Variants in NBEAL1 observed in about 807,000 individuals in gnomAD.
NBEAL1 encodes the protein neurobeachin-like protein 1.
A neutral mutation model predicts 351.3 loss-of-function variants in NBEAL1; 273 were observed. The ratio of observed to expected loss-of-function variants is 0.78; its 90% CI spans 0.70 to 0.86. NBEAL1 has a LOEUF of 0.86. Ranked by LOEUF, NBEAL1 falls within the 40% of genes least tolerant of loss-of-function variation. NBEAL1 has a pLI of 0.00. For missense variants in NBEAL1, 2,961 were observed against 3,201.3 expected (o/e 0.92, Z 1.81); for synonymous variants, 1,050 against 1,086.4 (o/e 0.97, Z 0.66).
Position 203,062,268 on chromosome 2 carries a change from GT to G in NBEAL1, c.515+4819del, listed in dbSNP as rs2061511433. On this transcript the variant is annotated intron_variant, in intron 6 of 55. Coordinates refer to ENST00000683969, the MANE Select transcript of NBEAL1 (RefSeq NM_001378026.1). This position sits in a 1 kb window ranked among gnomAD's most constrained non-coding sequence, Gnocchi z 4.2. ...CGTCAACATTCTGGTCTTCCCATTT[GT>G]TTTCTGTAGAAGCCAAATTCCTGAA... is the stretch of plus-strand genomic sequence containing the variant. 2.2e-6 allele frequency: 1 copy of G among 462,418 alleles called. No homozygotes were observed. Among genetic ancestry groups the G allele is most frequent in the Non-Finnish European group, 4.4e-6 (1 of 229,880 alleles). The allele number at this position is 462,418 out of a possible 1,614,324, so 28.6% of individuals were successfully genotyped here.
At chr2:203,048,829 A>C (rs6715752) in intron 3 of NBEAL1, among the ~76,000 whole-genome samples, 1 of 151,212 alleles carries the variant, frequency 6.6e-6, no homozygotes, top group Non-Finnish European at 1.5e-5. Context: ...AAATGTTGAT[A>C]TATTACTTTT....
chr2:203,094,363 A>G (rs762001717), intron 10 of NBEAL1, among the ~76,000 whole-genome samples: 3 of 152,256 alleles, frequency 2.0e-5, no homozygotes, highest in Non-Finnish European at 4.4e-5. Context: ...GCATGATGCC[A>G]CAGATGTCCA....
At chr2:203,017,193 A>G (rs1188379187) in intron 2 of NBEAL1, among the ~76,000 whole-genome samples, 1 of 152,220 alleles carries the variant, frequency 6.6e-6, no homozygotes, top group Non-Finnish European at 1.5e-5. Flanking sequence ...GAGGAGGTAC[A>G]TTATTACTTT....
At position 203,188,534 on chromosome 2, in the gene NBEAL1, G is replaced by A; in HGVS notation, c.6768G>A (p.Gln2256=). 1 of 1,610,376 alleles carries A rather than the reference G, an allele frequency of 6.2e-7. No individual in the cohort carries two copies. The highest frequency in any genetic ancestry group is 1.1e-5 in the South Asian group (1 of 90,244). ...TAGATCTGATCTTTGGCTATAAACAGAGGGGACCAGCTGCAGTAGAGGCAC... is the reference window on the plus strand; with the variant it reads ...TAGATCTGATCTTTGGCTATAAACAAAGGGGACCAGCTGCAGTAGAGGCAC... The part of the protein sequence containing the change: ...EWIDLIFGYK[Q]RGPAAVEALN... The change falls in exon 45 of 56, where the codon CAG becomes CAA. Residue 2256 remains glutamine (Q), a synonymous_variant. Coordinates refer to ENST00000683969, the MANE Select transcript of NBEAL1 (RefSeq NM_001378026.1).
At chr2:203,143,513 C>G (rs1265192020) in intron 31 of NBEAL1, among the ~76,000 whole-genome samples, 1 of 145,546 alleles carries the variant, frequency 6.9e-6, no homozygotes, top group East Asian at 1.9e-4. Context: ...AGGATTCAGT[C>G]AGGGCTCCAG....
Position 203,107,792 on chromosome 2 carries a change from TG to T in NBEAL1, c.1557del (p.Ile520LeufsTer21). The T allele has an allele frequency of 6.4e-7, 1 of 1,554,604 alleles. No individual in the cohort carries two copies. Among genetic ancestry groups the T allele is most frequent in the Non-Finnish European group, 8.7e-7 (1 of 1,147,806 alleles). ...QSRTTCVNAN[M>X]GIRIIETLDL... ...CGAACTACTTGTGTCAATGCAAACA[TG>T]GGGATTAGAATCATTGAAACCCTTG... On this transcript the variant is annotated frameshift_variant, in exon 14 of 56. Transcript: ENST00000683969. LOFTEE classifies it high-confidence loss of function.
At chr2:203,056,630 G>A (rs1271536566) in intron 5 of NBEAL1, 122 bp downstream of exon 5, 1 of 626,622 alleles carries the variant, frequency 1.6e-6, no homozygotes, top group Non-Finnish European at 2.9e-6. Context: ...GCAATGGCCC[G>A]ATCTTGGCTT....
At chr2:203,022,007 C>G (rs1287018016) in intron 2 of NBEAL1, among the ~76,000 whole-genome samples, 5 of 150,796 alleles carry the variant, frequency 3.3e-5, no homozygotes, top group Admixed American at 3.3e-4. Context: ...CCTGAGATCT[C>G]GCCACTACAC....
chr2:203,144,062 T>G (rs2063447943), intron 31 of NBEAL1, among the ~76,000 whole-genome samples: 2 of 151,728 alleles, frequency 1.3e-5, no homozygotes, highest in Admixed American at 1.3e-4. Flanking sequence ...ATACAAAAAA[T>G]TAGCCGGACA....
intron 12 of NBEAL1, among the ~76,000 whole-genome samples, chr2:203,100,606 G>A (rs2062295924): frequency 6.7e-6 from 1 of 149,330 alleles, no homozygotes; most frequent in Non-Finnish European, 1.5e-5. Context: ...GAGTGCAGTA[G>A]CACGATCTCA....
At chr2:203,082,053 T>C (rs1419070094) in intron 8 of NBEAL1, among the ~76,000 whole-genome samples, 1 of 152,182 alleles carries the variant, frequency 6.6e-6, no homozygotes, top group Non-Finnish European at 1.5e-5. Context: ...TGTCACTGCA[T>C]TTCAACATGG....
intron 4 of NBEAL1, chr2:203,050,307 A>G (rs1373638497): frequency 1.3e-5 from 2 of 158,630 alleles, no homozygotes; most frequent in Admixed American, 6.4e-5. Flanking sequence ...AATAATAATT[A>G]ATTTTGTTTA....
At chr2:203,026,506 A>AT (rs199701939) in intron 2 of NBEAL1, among the ~76,000 whole-genome samples, 14,173 of 143,170 alleles carry the variant, frequency 0.099, 759 homozygotes, top group Non-Finnish European at 0.13. Context: ...GCCATTTTAA[A>AT]TTTTTTTTTT....
chr2:203,186,523 G>T (rs1382425059), intron 44 of NBEAL1, among the ~76,000 whole-genome samples: 1 of 152,004 alleles, frequency 6.6e-6, no homozygotes. Context: ...CTTCTGTTAG[G>T]GTCCAGTCCT....
At position 203,126,851 on chromosome 2, in the gene NBEAL1, T is replaced by C; in HGVS notation, c.3173T>C (p.Ile1058Thr). 1 of 1,552,618 alleles carries C rather than the reference T, an allele frequency of 6.4e-7. No homozygotes were observed. The highest frequency in any genetic ancestry group is 2.0e-5 in the Admixed American group (1 of 50,992). The change falls in exon 23 of 56, where the codon ATT becomes ACT. Residue 1058 changes from isoleucine (I) to threonine (T), a missense_variant. Physicochemically the swap from Ile to Thr is moderately conservative, Grantham distance 89. Coordinates refer to ENST00000683969, the MANE Select transcript of NBEAL1 (RefSeq NM_001378026.1). The stretch of plus-strand genomic sequence containing the variant: ...CACATACAGTATCTTTCAACCATCA[T>C]TAAAGACAGCAGGAGAGTTTTCCGA... The part of the protein sequence containing the change: ...IGHIQYLSTI[I>T]KDSRRVFRKK...
At chr2:203,016,846 G>A (rs1048579700) in intron 2 of NBEAL1, among the ~76,000 whole-genome samples, 3 of 152,168 alleles carry the variant, frequency 2.0e-5, no homozygotes, top group Non-Finnish European at 2.9e-5. Flanking sequence ...GCATCACAAG[G>A]TTATTGATTG....
At chr2:203,211,178 G>A (rs1033402591) in intron 54 of NBEAL1, 72 bp downstream of exon 54, 17 of 1,114,758 alleles carry the variant, frequency 1.5e-5, no homozygotes, top group Non-Finnish European at 2.4e-6. Flanking sequence ...TGAAAATCAG[G>A]AATCTAAGAT....
intron 2 of NBEAL1, among the ~76,000 whole-genome samples, chr2:203,032,791 A>AGTAGCTG (rs1574870845): frequency 7.0e-6 from 1 of 143,466 alleles, no homozygotes; most frequent in Non-Finnish European, 1.5e-5. Context: ...CAGCCTCCCG[A>AGTAGCTG]GTAGCTGGGA....
intron 39 of NBEAL1, 91 bp from the exon 40 acceptor site, chr2:203,171,837 A>G: frequency 6.7e-6 from 2 of 299,824 alleles, no homozygotes; most frequent in South Asian, 9.4e-5. Flanking sequence ...TTTTTTTTTT[A>G]GCCCATTCTT....
Sources: gnomAD v4.1 joint callset for allele counts (sites outside exome capture counted in the v4.1 genomes callset) on GRCh38, gnomAD v4.1.1 for gene constraint, Gnocchi (gnomAD v3.1) non-coding constraint, MANE v1.5 for transcripts, NCBI Gene and HGNC (gene_info 2026-07-23, HGNC 2026-07-21) for gene names.